MINDY4: variants seen among roughly 807,000 people sequenced by gnomAD.
MINDY4 encodes the protein probable ubiquitin carboxyl-terminal hydrolase MINDY-4.
In MINDY4, 68 loss-of-function variants were observed where a neutral mutation model predicts 87.0. The observed-to-expected ratio is 0.78, with a 90% CI of 0.64 to 0.96. The LOEUF (loss-of-function observed/expected upper bound fraction) is 0.96, where lower values mean the gene tolerates loss of function less well. Among genes scored for constraint, MINDY4 ranks in the 40% least tolerant of loss-of-function variants. The probability of loss-of-function intolerance (pLI) is 0.00; values close to 1 mark genes in which losing one functional copy is unlikely to be tolerated. For missense variants in MINDY4, 919 were observed against 928.2 expected, an observed-to-expected ratio of 0.99 and a Z score of 0.13; for synonymous variants, 379 against 363.2, an observed-to-expected ratio of 1.04 and a Z score of -0.50.
intron 7 of MINDY4, 57 bp from the exon 8 acceptor site, chr7:30,839,143 C>A: frequency 8.6e-7 from 1 of 1,164,154 alleles, no homozygotes; most frequent in Non-Finnish European, 1.2e-6. Context: ...GCACACTGAA[C>A]ATCGTATTGT....
At chr7:30,812,438 A>G (rs1788033073) in intron 5 of MINDY4, among the ~76,000 whole-genome samples, 1 of 152,236 alleles carries the variant, frequency 6.6e-6, no homozygotes, top group Non-Finnish European at 1.5e-5. Context: ...TAAAAAACAC[A>G]TGGAATAGAC....
At chr7:30,862,943 C>T (rs752495036) in intron 13 of MINDY4, among the ~76,000 whole-genome samples, 18 of 152,076 alleles carry the variant, frequency 1.2e-4, no homozygotes, top group African/African-American at 3.6e-4. Flanking sequence ...GCAGATGCAG[C>T]GGAATGACTT....
At chr7:30,819,837 G>T (rs1788269292) in intron 5 of MINDY4, among the ~76,000 whole-genome samples, 1 of 149,472 alleles carries the variant, frequency 6.7e-6, no homozygotes, top group Non-Finnish European at 1.5e-5. Context: ...GTATATTTTT[G>T]CCATGCTTTA....
chr7:30,845,518 TAA>T (rs78323541), intron 9 of MINDY4, among the ~76,000 whole-genome samples: 90 of 129,830 alleles, frequency 6.9e-4, no homozygotes, highest in South Asian at 1.3e-3. Flanking sequence ...TGATCCAGCT[TAA>T]AAAAAAAAAA....
At chr7:30,847,338 G>T (rs914824522) in intron 9 of MINDY4, among the ~76,000 whole-genome samples, 1 of 152,184 alleles carries the variant, frequency 6.6e-6, no homozygotes, top group Non-Finnish European at 1.5e-5. Flanking sequence ...AGACATGGTG[G>T]TTCAAAGGGG....
intron 14 of MINDY4, among the ~76,000 whole-genome samples, chr7:30,872,754 C>T (rs961041899): frequency 2.0e-5 from 3 of 152,182 alleles, no homozygotes; most frequent in Non-Finnish European, 2.9e-5. Context: ...ACAGAGGGGC[C>T]CTCAATGGAC....
At chr7:30,840,992 C>G (rs1366795578) in intron 9 of MINDY4, 144 bp downstream of exon 9, 1 of 702,894 alleles carries the variant, frequency 1.4e-6, no homozygotes, top group African/African-American at 1.8e-5. Flanking sequence ...TGGCAGCTAG[C>G]TGACAAGGCC....
intron 9 of MINDY4, 119 bp downstream of exon 9, chr7:30,840,967 G>A: frequency 1.2e-6 from 1 of 867,508 alleles, no homozygotes; most frequent in Non-Finnish European, 1.8e-6. Flanking sequence ...TGCAGGTCAA[G>A]AAAGGAGAGG....
At chr7:30,826,024 G>A (rs1788489080) in intron 5 of MINDY4, among the ~76,000 whole-genome samples, 1 of 152,142 alleles carries the variant, frequency 6.6e-6, no homozygotes, top group Non-Finnish European at 1.5e-5. Context: ...CTTCCTGTCT[G>A]CAAAGTAAAT....
At chr7:30,873,908 G>A (rs979248521) in intron 14 of MINDY4, among the ~76,000 whole-genome samples, 1 of 152,168 alleles carries the variant, frequency 6.6e-6, no homozygotes. Flanking sequence ...CCTCTACAAG[G>A]ACACAATAAG....
At chr7:30,877,928 C>G (rs939988065) in intron 15 of MINDY4, among the ~76,000 whole-genome samples, 1 of 146,604 alleles carries the variant, frequency 6.8e-6, no homozygotes, top group Non-Finnish European at 1.5e-5. Flanking sequence ...GATCCACCCA[C>G]CTCAGCCTTA....
At chr7:30,798,766 G>A (rs1389635356) in intron 5 of MINDY4, among the ~76,000 whole-genome samples, 1 of 152,180 alleles carries the variant, frequency 6.6e-6, no homozygotes, top group African/African-American at 2.4e-5. Flanking sequence ...TCAAAGTGCT[G>A]GGATTACAGG....
rs1786633173 is a variant in MINDY4 at position 30,771,545 on chromosome 7, C to T, written c.52C>T (p.Leu18Phe). Reference sequence around the variant, plus strand: ...GGCCGCCTCCTTGGTCAGGGAGTTCCTCAGCAGAAAGGTAACGGCTCGCCC... The same window carrying T: ...GGCCGCCTCCTTGGTCAGGGAGTTCTTCAGCAGAAAGGTAACGGCTCGCCC... ...EVAASLVREF[L>F]SRKGLKKTCV... Residue 18 changes from leucine (L) to phenylalanine (F), a missense_variant, in exon 1 of 18, where the codon CTC (leucine) becomes TTC (phenylalanine). Physicochemically the swap from Leu to Phe is conservative, Grantham distance 22. Coordinates refer to ENST00000265299, the MANE Select transcript of MINDY4 (RefSeq NM_032222.3). 6.2e-7 allele frequency: 1 copy of T among 1,601,388 alleles called. No homozygotes were observed. The highest frequency in any genetic ancestry group is 8.5e-7 in the Non-Finnish European group (1 of 1,175,196).
At chr7:30,817,824 C>T (rs1400886501) in intron 5 of MINDY4, among the ~76,000 whole-genome samples, 1 of 152,218 alleles carries the variant, frequency 6.6e-6, no homozygotes, top group Admixed American at 6.5e-5. Context: ...CTCTCTCATT[C>T]ATTATAATCT....
Position 30,790,158 on chromosome 7 carries a change from T to A in MINDY4, c.664-1007T>A, listed in dbSNP as rs576369001. On this transcript the variant is annotated intron_variant, in intron 4 of 17. Transcript: ENST00000265299. Reference sequence around the variant, plus strand: ...CATTTCATCCTCCCTACAGTCTTGTTGGGGAGAAGTACTACAGGTGCCTCA... The same window carrying A: ...CATTTCATCCTCCCTACAGTCTTGTAGGGGAGAAGTACTACAGGTGCCTCA... 2.6e-5 allele frequency among the ~76,000 whole-genome samples: 4 copies of A among 152,346 alleles called. No individual in the cohort carries two copies. In the South Asian group the frequency reaches 8.3e-4, roughly 32 times the overall value.
In MINDY4 at chr7:30,891,965, G is replaced by A; in HGVS notation, c.2234G>A (p.Gly745Glu). 6.2e-7 allele frequency: 1 copy of A among 1,614,100 alleles called. No individual in the cohort carries two copies. Among genetic ancestry groups the A allele is most frequent in the Non-Finnish European group, 8.5e-7 (1 of 1,180,002 alleles). ...LELCIRTKWK[G>E]ASVNWNGSDP... ...CCTCACTCTACGCTTAGGTGGAAGG[G>A]GGCATCAGTGAACTGGAACGGCTCA... Residue 745 changes from glycine (G) to glutamate (E), a missense_variant, in exon 18 of 18, where the codon GGG becomes GAG. Gly to Glu is a moderately conservative substitution (Grantham distance 98). Transcript: ENST00000265299.
intron 5 of MINDY4, among the ~76,000 whole-genome samples, chr7:30,807,793 G>T (rs766318213): frequency 1.3e-5 from 2 of 152,154 alleles, no homozygotes; most frequent in Non-Finnish European, 2.9e-5. Context: ...CCGCAGTCAC[G>T]TACCCCCTGC....
In MINDY4 at chr7:30,791,564, G is replaced by T. The variant is rs151089199; in HGVS notation, c.1063G>T (p.Ala355Ser). ...GTTCAAACGGCAGGGCAGCCAGCCC[G>T]CACCTGTCAGGTGAGTGTGCTATGC... ...RAFKRQGSQPAPVRKNQLLPS... is the reference protein window; with the variant it reads ...RAFKRQGSQPSPVRKNQLLPS... The change falls in exon 5 of 18, where the codon GCA becomes TCA. Residue 355 changes from alanine (A) to serine (S), a missense_variant. By Grantham distance (99) the Ala-to-Ser change is moderately conservative. Coordinates refer to ENST00000265299, the MANE Select transcript of MINDY4 (RefSeq NM_032222.3). 7 of 1,610,474 alleles carry T rather than the reference G, an allele frequency of 4.3e-6. No homozygotes were observed. The East Asian group carries it at 6.7e-5, about 15-fold the overall frequency.
chr7:30,863,329 A>C (rs1488380010), intron 13 of MINDY4, among the ~76,000 whole-genome samples: 1 of 152,156 alleles, frequency 6.6e-6, no homozygotes, highest in African/African-American at 2.4e-5. Context: ...CAAATACAGC[A>C]TGTGTATGTG....
Sources: gnomAD v4.1 joint callset for allele counts (sites outside exome capture counted in the v4.1 genomes callset) on GRCh38, gnomAD v4.1.1 for gene constraint, MANE v1.5 for transcripts, NCBI Gene and HGNC (gene_info 2026-07-23, HGNC 2026-07-21) for gene names.